Variants in ANXA13 observed in about 807,000 individuals in gnomAD.
ANXA13 encodes the protein annexin XIII.
Under a neutral mutation model 46.6 loss-of-function variants are expected in ANXA13, and 36 were observed. The observed-to-expected ratio is 0.77, with a 90% CI of 0.59 to 1.02. The LOEUF is 1.02. ANXA13 is among the 50% of genes least tolerant of loss of function. The probability of loss-of-function intolerance (pLI) is 0.00; values close to 1 mark genes in which losing one functional copy is unlikely to be tolerated. For missense variants in ANXA13, 417 were observed against 396.5 expected (o/e 1.05, Z -0.44); for synonymous variants, 163 against 152.9 (o/e 1.07, Z -0.49).
At chr8:123,681,586 G>C (rs1045973053) in intron 10 of ANXA13, among the ~76,000 whole-genome samples, 3 of 149,582 alleles carry the variant, frequency 2.0e-5, no homozygotes, top group African/African-American at 4.9e-5. Flanking sequence ...AGGTGTCCAC[G>C]TGTGTGTGTG....
chr8:123,718,501 G>C (rs1197427309), intron 1 of ANXA13, among the ~76,000 whole-genome samples: 1 of 152,170 alleles, frequency 6.6e-6, no homozygotes, highest in Non-Finnish European at 1.5e-5. Context: ...CTCTCCCTGG[G>C]ATACCTTTCT....
At chr8:123,704,219 C>A (rs1012259425) in intron 2 of ANXA13, among the ~76,000 whole-genome samples, 6 of 152,008 alleles carry the variant, frequency 3.9e-5, no homozygotes, top group Non-Finnish European at 7.4e-5. Flanking sequence ...AACTGCTCAC[C>A]CCAGTGATCG....
chr8:123,686,389 G>A (rs1400116034), intron 9 of ANXA13, among the ~76,000 whole-genome samples: 1 of 151,588 alleles, frequency 6.6e-6, no homozygotes, highest in African/African-American at 2.4e-5. Flanking sequence ...GAACCCGGGA[G>A]GCAGAGGTTG....
chr8:123,711,619 C>CTTT (rs3054145), intron 2 of ANXA13: 2 of 142,946 alleles, frequency 1.4e-5, no homozygotes, highest in Non-Finnish European at 3.0e-5. Context: ...GTTCTTTTTT[C>CTTT]TTTTTTTTTT....
At chr8:123,700,597 T>C (rs909231367) in intron 3 of ANXA13, among the ~76,000 whole-genome samples, 2 of 152,192 alleles carry the variant, frequency 1.3e-5, no homozygotes, top group Admixed American at 6.5e-5. Flanking sequence ...TGCCAGAACA[T>C]GCCCATTTAA....
intron 1 of ANXA13, chr8:123,728,068 A>G (rs1181213705): frequency 6.6e-6 from 1 of 152,198 alleles, no homozygotes; most frequent in Non-Finnish European, 1.5e-5. Flanking sequence ...CCCAGCCTAT[A>G]CCGGCAGGGC....
intron 2 of ANXA13, among the ~76,000 whole-genome samples, chr8:123,704,495 C>A (rs1563611640): frequency 6.6e-6 from 1 of 152,110 alleles, no homozygotes; most frequent in East Asian, 1.9e-4. Flanking sequence ...CTCCTGGGTT[C>A]AAACAATTCT....
At chr8:123,715,233 T>G (rs1180798023) in intron 1 of ANXA13, among the ~76,000 whole-genome samples, 1 of 152,194 alleles carries the variant, frequency 6.6e-6, no homozygotes, top group Non-Finnish European at 1.5e-5. Flanking sequence ...CATCAGAGTA[T>G]TAAGCCAAGC....
Position 123,716,762 on chromosome 8 carries a change from G to A in ANXA13, c.16-4009C>T, listed in dbSNP as rs182069932. On this transcript the variant is annotated intron_variant, in intron 1 of 10. Coordinates refer to ENST00000419625, the MANE Select transcript of ANXA13 (RefSeq NM_004306.4). ...AATGTAGATGGAGCGGACATTCCAC[G>A]TCCATTGTTCATTGTTAATAGGATA... 8.5e-5 allele frequency among the ~76,000 whole-genome samples: 13 copies of A among 152,178 alleles called. No individual in the cohort carries two copies. In the East Asian group the frequency reaches 1.4e-3, roughly 16 times the overall value.
chr8:123,714,980 A>C lies in ANXA13; in HGVS notation c.16-2227T>G, dbSNP rs961454456. Among the ~76,000 whole-genome samples the C allele has an allele frequency of 9.2e-5, 14 of 152,368 alleles. No homozygotes were observed. In the South Asian group the frequency reaches 1.0e-3, roughly 11 times the overall value. ...CTAAAGCCTGTGCTCTGTGCAGCGCACAATACTGCCTCACATTCTATAACT... is the reference window on the plus strand; with the variant it reads ...CTAAAGCCTGTGCTCTGTGCAGCGCCCAATACTGCCTCACATTCTATAACT... On this transcript the variant is annotated intron_variant, in intron 1 of 10. Coordinates refer to ENST00000419625, the MANE Select transcript of ANXA13 (RefSeq NM_004306.4).
At chr8:123,719,401 G>T (rs16898793) in intron 1 of ANXA13, among the ~76,000 whole-genome samples, 3,761 of 151,696 alleles carry the variant, frequency 0.025, 146 homozygotes, top group African/African-American at 0.087. Flanking sequence ...AAAATCTATT[G>T]TATGTTAAGC....
rs148947281 is a variant in ANXA13, at chr8:123,685,246, G to A, written c.719-524C>T. 4.6e-5 allele frequency among the ~76,000 whole-genome samples: 7 copies of A among 152,214 alleles called. No homozygotes were observed. The East Asian group carries it at 1.4e-3, about 29-fold the overall frequency. ...TTTTCCAGGTTCCCCACGATCTTTT[G>A]GTTTGCAATCCGGGATGTGGACTTG... On this transcript the variant is annotated intron_variant, in intron 9 of 10. Transcript: ENST00000419625.
intron 1 of ANXA13, chr8:123,728,793 T>C (rs1370069932): frequency 6.6e-6 from 1 of 152,164 alleles, no homozygotes; most frequent in African/African-American, 2.4e-5. Flanking sequence ...AGTTTATGCA[T>C]TGGATCCAAA....
At chr8:123,701,051 C>T (rs1056398559) in intron 3 of ANXA13, among the ~76,000 whole-genome samples, 1 of 152,118 alleles carries the variant, frequency 6.6e-6, no homozygotes, top group South Asian at 2.1e-4. Context: ...CTCAAGTGAT[C>T]CTCCTGCCTT....
chr8:123,693,168 C>T (rs745391839), intron 8 of ANXA13, 29 bp downstream of exon 8: 2 of 1,587,666 alleles, frequency 1.3e-6, no homozygotes, highest in Non-Finnish European at 1.7e-6. Context: ...TCAGAGTGAA[C>T]TCTTTTGCCC....
chr8:123,735,836 A>T (rs1182329978), intron 1 of ANXA13: 1 of 1,612,334 alleles, frequency 6.2e-7, no homozygotes. Context: ...AGTCCCCTTT[A>T]GGCAACTGTT....
chr8:123,733,874 T>C lies in ANXA13; in HGVS notation c.15+3446A>G, dbSNP rs1441844827. 2.6e-5 allele frequency among the ~76,000 whole-genome samples: 4 copies of C among 152,208 alleles called. 1 individual carries two copies. The highest frequency in any genetic ancestry group is 5.9e-5 in the Non-Finnish European group (4 of 68,040). On this transcript the variant is annotated intron_variant, in intron 1 of 10. Coordinates refer to ENST00000419625, the MANE Select transcript of ANXA13 (RefSeq NM_004306.4). Reference sequence around the variant, plus strand: ...GGCTTTTAGAACTCCTCAGGTGATCTCAATGCAGGCAAGTTTGACAACGCG... The same window carrying C: ...GGCTTTTAGAACTCCTCAGGTGATCCCAATGCAGGCAAGTTTGACAACGCG...
intron 8 of ANXA13, among the ~76,000 whole-genome samples, chr8:123,689,518 C>G (rs546528214): frequency 3.3e-5 from 5 of 152,058 alleles, no homozygotes; most frequent in Non-Finnish European, 7.4e-5. Context: ...GGTGGGTCTG[C>G]AAGGGCTGGG....
At chr8:123,698,137 G>T (rs1813377183) in intron 4 of ANXA13, among the ~76,000 whole-genome samples, 1 of 152,210 alleles carries the variant, frequency 6.6e-6, no homozygotes, top group South Asian at 2.1e-4. Flanking sequence ...AAAAGCATCA[G>T]TTTAGAAAAG....
Sources: allele counts gnomAD v4.1 joint callset (sites outside exome capture counted in the v4.1 genomes callset), GRCh38; gene constraint gnomAD v4.1.1; transcripts MANE v1.5; gene names NCBI Gene and HGNC (gene_info 2026-07-23, HGNC 2026-07-21).